The following CDH17 variants were observed in gnomAD, a reference collection of about 807,000 sequenced individuals.
CDH17 encodes the protein cadherin 17.
A neutral mutation model predicts 86.3 loss-of-function variants in CDH17; 67 were observed. That is an observed-to-expected ratio of 0.78 (90% confidence interval 0.64 to 0.95). The LOEUF is 0.95. CDH17 is among the 40% of genes least tolerant of loss of function. The pLI is 0.00. For missense variants in CDH17, 993 were observed against 1,017.6 expected (o/e 0.98, Z 0.33); for synonymous variants, 367 against 366.4 (o/e 1.00, Z -0.02).
Position 94,148,413 on chromosome 8 carries a change from G to A in CDH17, c.1927+331C>T, listed in dbSNP as rs1230131405. 2.0e-5 allele frequency among the ~76,000 whole-genome samples: 3 copies of A among 151,708 alleles called. No homozygotes were observed. In the East Asian group the frequency reaches 5.8e-4, roughly 29 times the overall value. On this transcript the variant is annotated intron_variant, in intron 14 of 17. Transcript: ENST00000027335. ...AAAAATTAGCCAGGCATGGTGGTGG[G>A]TGCCTGTAATCCCAGCTACTCGGAA...
At chr8:94,144,819 G>C (rs1479375495) in intron 15 of CDH17, among the ~76,000 whole-genome samples, 1 of 152,144 alleles carries the variant, frequency 6.6e-6, no homozygotes, top group African/African-American at 2.4e-5. Context: ...CTCAGCAATA[G>C]AATCCAAACA....
At chr8:94,137,160 C>T (rs1031868213) in intron 15 of CDH17, among the ~76,000 whole-genome samples, 7 of 152,140 alleles carry the variant, frequency 4.6e-5, no homozygotes, top group Admixed American at 2.6e-4. Flanking sequence ...CTGGGAGAAC[C>T]GCTGCTCTCT....
At chr8:94,175,405 C>T (rs1813353414) in intron 5 of CDH17, among the ~76,000 whole-genome samples, 1 of 151,846 alleles carries the variant, frequency 6.6e-6, no homozygotes, top group Admixed American at 6.6e-5. Context: ...TGAATTTTTT[C>T]CTGGAATTCT....
chr8:94,131,029 C>T, intron 15 of CDH17, 37 bp from the exon 16 acceptor site: 1 of 1,061,066 alleles, frequency 9.4e-7, no homozygotes, highest in Non-Finnish European at 1.5e-6. Context: ...AATACAACTT[C>T]AGACCCTGGA....
intron 1 of CDH17, among the ~76,000 whole-genome samples, chr8:94,200,691 G>A (rs1036968360): frequency 2.6e-5 from 4 of 151,578 alleles, no homozygotes; most frequent in Admixed American, 6.6e-5. Context: ...TTGCAGACGG[G>A]AACCAGGGCT....
chr8:94,193,421 C>G (rs1389142983), intron 2 of CDH17, among the ~76,000 whole-genome samples: 1 of 152,144 alleles, frequency 6.6e-6, no homozygotes, highest in African/African-American at 2.4e-5. Flanking sequence ...GTTTAACCAC[C>G]AGTCGCTGAT....
chr8:94,199,083 ATTTTTTTTT>A (rs71510475), intron 1 of CDH17, among the ~76,000 whole-genome samples: 4 of 23,222 alleles, frequency 1.7e-4, no homozygotes, highest in Non-Finnish European at 4.3e-4. Flanking sequence ...ATATATATAT[ATTTTTTTTT>A]TTTTATCATT....
At chr8:94,131,413 T>C (rs1416865952) in intron 15 of CDH17, among the ~76,000 whole-genome samples, 1 of 152,240 alleles carries the variant, frequency 6.6e-6, no homozygotes, top group East Asian at 1.9e-4. Flanking sequence ...ATATCTTATT[T>C]AACATATATT....
chr8:94,128,399 C>CAGTT (rs1242980365), intron 17 of CDH17, 59 bp from the exon 18 acceptor site: 8 of 1,069,758 alleles, frequency 7.5e-6, no homozygotes, highest in Non-Finnish European at 1.1e-5. Flanking sequence ...CTGTCACATT[C>CAGTT]AGTTATAAAG....
chr8:94,171,765 A>G (rs1813273530), intron 7 of CDH17, among the ~76,000 whole-genome samples: 2 of 152,186 alleles, frequency 1.3e-5, no homozygotes, highest in South Asian at 4.1e-4. Context: ...CAAAAAATTT[A>G]AGCGACTTGC....
At chr8:94,135,023 A>G (rs1050591853) in intron 15 of CDH17, among the ~76,000 whole-genome samples, 2 of 152,040 alleles carry the variant, frequency 1.3e-5, no homozygotes, top group Non-Finnish European at 2.9e-5. Flanking sequence ...GGTCTGAGAG[A>G]CAGTTTGTTG....
intron 15 of CDH17, among the ~76,000 whole-genome samples, chr8:94,132,939 CTTGT>C (rs897126765): frequency 1.4e-4 from 22 of 152,294 alleles, no homozygotes; most frequent in African/African-American, 4.6e-4. Flanking sequence ...TTCCCCATTG[CTTGT>C]TTTTCTCCGG....
chr8:94,198,731 G>T (rs1813833686), intron 1 of CDH17, among the ~76,000 whole-genome samples: 1 of 152,114 alleles, frequency 6.6e-6, no homozygotes, highest in Admixed American at 6.6e-5. Flanking sequence ...CACCCCTGCT[G>T]CTCTCCCTGC....
intron 9 of CDH17, 33 bp downstream of exon 9, chr8:94,170,364 G>GT (rs1478108958): frequency 6.2e-7 from 1 of 1,604,982 alleles, no homozygotes; most frequent in Admixed American, 1.7e-5. Flanking sequence ...ATGGAGGGCA[G>GT]TTACACAGCA....
chr8:94,175,372 T>C (rs1446229836), intron 5 of CDH17, among the ~76,000 whole-genome samples: 12 of 151,952 alleles, frequency 7.9e-5, no homozygotes, highest in Admixed American at 3.9e-4. Context: ...GACAGGGACA[T>C]CACTCCACAT....
rs145093583 is a variant in CDH17 at position 94,168,601 on chromosome 8, T to G, written c.1066+1796A>C. On this transcript the variant is annotated intron_variant, in intron 9 of 17. Coordinates refer to ENST00000027335, the MANE Select transcript of CDH17 (RefSeq NM_004063.4). ...ATGCTCAGTTGATTTATAAGAATTC[T>G]TGGTCCACTAAAGACTCTGAAATAT... is the stretch of plus-strand genomic sequence containing the variant. 2.3e-3 allele frequency among the ~76,000 whole-genome samples: 349 copies of G among 152,290 alleles called. 3 individuals are homozygous for G. The highest frequency in any genetic ancestry group is 7.9e-3 in the African/African-American group (327 of 41,546).
intron 3 of CDH17, among the ~76,000 whole-genome samples, chr8:94,179,884 T>A (rs1813445625): frequency 6.6e-6 from 1 of 152,184 alleles, no homozygotes; most frequent in African/African-American, 2.4e-5. Context: ...AGTTGCCACA[T>A]CACATTATTT....
chr8:94,132,852 A>G (rs541066526), intron 15 of CDH17, among the ~76,000 whole-genome samples: 1 of 152,288 alleles, frequency 6.6e-6, no homozygotes, highest in African/African-American at 2.4e-5. Context: ...TGTAAGGTGT[A>G]AGGAATGGAT....
chr8:94,148,855 T>G lies in CDH17; in HGVS notation c.1816A>C (p.Thr606Pro), dbSNP rs1486397029. The change falls in exon 14 of 18, where the codon ACA becomes CCA. Residue 606 changes from threonine (T) to proline (P), a missense_variant. Transcript: ENST00000027335. ...TGGTCAATTTTAAGCCAACCTCTTG[T>G]GTCTCCCCTCAGTGAATAGCTTCAT... ...LDISYSLRGD[T>P]RGWLKIDHVT... The G allele has an allele frequency of 4.3e-6, 7 of 1,611,008 alleles. No individual in the cohort carries two copies. In the Admixed American group the frequency reaches 8.4e-5, roughly 19 times the overall value.
Sources: allele counts gnomAD v4.1 joint callset (sites outside exome capture counted in the v4.1 genomes callset), GRCh38; gene constraint gnomAD v4.1.1; transcripts MANE v1.5; gene names NCBI Gene and HGNC (gene_info 2026-07-23, HGNC 2026-07-21).